Variants in SNX29 observed in about 807,000 individuals in gnomAD.
The protein encoded by SNX29 is sorting nexin-29.
SNX29 carries 78 observed loss-of-function variants against 102.1 expected under a neutral mutation model. The ratio of observed to expected loss-of-function variants is 0.76; its 90% CI spans 0.64 to 0.92. SNX29 has a LOEUF of 0.92. SNX29 is among the 40% of genes least tolerant of loss of function. The pLI is 0.00. For missense variants in SNX29, 1,280 were observed against 1,061.7 expected, an observed-to-expected ratio of 1.21 and a Z score of -2.86; for synonymous variants, 580 against 414.5, an observed-to-expected ratio of 1.40 and a Z score of -4.85.
At chr16:12,065,741 G>A (rs551855025) in intron 9 of SNX29, among the ~76,000 whole-genome samples, 3 of 152,244 alleles carry the variant, frequency 2.0e-5, no homozygotes, top group Admixed American at 1.3e-4. Context: ...TACGGGTTGT[G>A]TGCTGTTTGG....
At chr16:12,533,442 A>G (rs140241972) in intron 20 of SNX29, among the ~76,000 whole-genome samples, 146 of 152,224 alleles carry the variant, frequency 9.6e-4, no homozygotes, top group African/African-American at 3.3e-3. Flanking sequence ...GAGGTGAGAC[A>G]CTAATGTTGC....
chr16:12,236,997 G>A (rs980223040), intron 14 of SNX29, among the ~76,000 whole-genome samples: 2 of 152,188 alleles, frequency 1.3e-5, no homozygotes, highest in Non-Finnish European at 2.9e-5. Context: ...TTGAAGGTTG[G>A]TGCAGGCTTG....
intron 19 of SNX29, among the ~76,000 whole-genome samples, chr16:12,499,196 G>T (rs898250529): frequency 3.3e-5 from 5 of 152,196 alleles, no homozygotes; most frequent in African/African-American, 1.2e-4. Context: ...AAATGTGTTT[G>T]CTCTCTGGGG....
At chr16:12,293,344 A>G (rs1164782818) in intron 15 of SNX29, among the ~76,000 whole-genome samples, 1 of 152,244 alleles carries the variant, frequency 6.6e-6, no homozygotes, top group Non-Finnish European at 1.5e-5. Context: ...CCCGAGTTGC[A>G]TAGTCAGCAA....
Position 12,512,418 on chromosome 16 carries a change from A to G in SNX29, c.2179-12284A>G, listed in dbSNP as rs1479958884. ...TATATATATATATATATATATATAT[A>G]GTTTTCGGTTTTTGAGACAGGGTCT... On this transcript the variant is annotated intron_variant, in intron 19 of 20. Coordinates refer to ENST00000566228, the MANE Select transcript of SNX29 (RefSeq NM_032167.5). Among the ~76,000 whole-genome samples the G allele has an allele frequency of 3.2e-3, 196 of 61,004 alleles. 2 individuals carry two copies. The highest frequency in any genetic ancestry group is 0.014 in the African/African-American group (193 of 13,882). 40.0% of individuals were successfully genotyped at this position (61,004 alleles called of 152,430 possible).
At chr16:12,333,716 G>A (rs1189173405) in intron 15 of SNX29, among the ~76,000 whole-genome samples, 1 of 152,058 alleles carries the variant, frequency 6.6e-6, no homozygotes, top group African/African-American at 2.4e-5. Context: ...TTCCCAAGCA[G>A]GTGAGAAGGT....
intron 16 of SNX29, among the ~76,000 whole-genome samples, chr16:12,394,985 C>A (rs1374287613): frequency 1.3e-5 from 2 of 152,032 alleles, no homozygotes; most frequent in African/African-American, 4.8e-5. Context: ...AGAAGGGTTC[C>A]CTGTTCATCT....
chr16:12,527,900 C>T (rs1430282752), intron 20 of SNX29, among the ~76,000 whole-genome samples: 2 of 150,540 alleles, frequency 1.3e-5, no homozygotes, highest in African/African-American at 2.5e-5. Flanking sequence ...TCTCGGCTCA[C>T]TGTAAGCTCT....
In SNX29 at chr16:12,357,982, G is replaced by A. The variant is rs550168799; in HGVS notation, c.1899+1703G>A. Among the ~76,000 whole-genome samples the A allele has an allele frequency of 5.3e-5, 8 of 152,246 alleles. No homozygotes were observed. In the East Asian group the frequency reaches 1.5e-3, roughly 29 times the overall value. ...GTTTAATTTTGCTGATTATATGACTGTGTCGTTGGGTGGTGTTTTCTGTCA... is the reference window on the plus strand; with the variant it reads ...GTTTAATTTTGCTGATTATATGACTATGTCGTTGGGTGGTGTTTTCTGTCA... On this transcript the variant is annotated intron_variant, in intron 16 of 20. Transcript: ENST00000566228.
At chr16:12,471,545 G>C (rs949988367) in intron 18 of SNX29, among the ~76,000 whole-genome samples, 11 of 152,174 alleles carry the variant, frequency 7.2e-5, no homozygotes, top group Non-Finnish European at 1.3e-4. Flanking sequence ...TCCCGATGCT[G>C]ACGTATGACG....
chr16:12,450,273 G>T (rs2086246745), intron 18 of SNX29, among the ~76,000 whole-genome samples: 1 of 152,226 alleles, frequency 6.6e-6, no homozygotes, highest in Non-Finnish European at 1.5e-5. Flanking sequence ...GAGACACTCA[G>T]TTGTGTGTTG....
At position 12,510,949 on chromosome 16, in the gene SNX29, C is replaced by G. The variant is rs138212067; in HGVS notation, c.2179-13753C>G. On this transcript the variant is annotated intron_variant, in intron 19 of 20. Coordinates refer to ENST00000566228, the MANE Select transcript of SNX29 (RefSeq NM_032167.5). ...CTGTGGGGAGACAGGCTGCCATATC[C>G]AGCCCTTCTTGAGCAAAAGCACTCC... 7.4e-3 allele frequency among the ~76,000 whole-genome samples: 1,128 copies of G among 152,138 alleles called. 7 individuals are homozygous for G. The highest frequency in any genetic ancestry group is 0.013 in the Non-Finnish European group (868 of 68,008).
intron 11 of SNX29, among the ~76,000 whole-genome samples, chr16:12,089,353 A>C (rs1194803510): frequency 2.0e-5 from 3 of 152,136 alleles, no homozygotes; most frequent in East Asian, 1.9e-4. Context: ...AAAAATTAAA[A>C]AAACCCAATA....
chr16:12,049,780 G>A (rs1391080210), intron 7 of SNX29, among the ~76,000 whole-genome samples: 2 of 151,728 alleles, frequency 1.3e-5, no homozygotes, highest in South Asian at 2.1e-4. Context: ...TTTTGTTGTA[G>A]TATGTATGTG....
intron 13 of SNX29, among the ~76,000 whole-genome samples, chr16:12,144,209 G>T (rs1254215822): frequency 7.2e-5 from 11 of 152,320 alleles, no homozygotes; most frequent in Non-Finnish European, 1.5e-5. Flanking sequence ...TAGAAAGGCT[G>T]ATTTTTAGCT....
intron 1 of SNX29, among the ~76,000 whole-genome samples, chr16:11,995,788 A>C (rs1377521054): frequency 6.6e-6 from 1 of 152,100 alleles, no homozygotes; most frequent in African/African-American, 2.4e-5. Context: ...TTGGCAGGGC[A>C]CGGTGGCTCA....
At position 12,172,499 on chromosome 16, in the gene SNX29, C is replaced by T. The variant is rs572902228; in HGVS notation, c.1596-27102C>T. On this transcript the variant is annotated intron_variant, in intron 13 of 20. Transcript: ENST00000566228. ...CTGGCAGAGGGGTCATCTTGGTCAC[C>T]ATCCTTCACCTCTCCTTCACCTCAC... Among the ~76,000 whole-genome samples the T allele has an allele frequency of 1.2e-4, 18 of 152,022 alleles. No homozygotes were observed. In the South Asian group the frequency reaches 3.7e-3, roughly 32 times the overall value.
At chr16:12,128,526 C>T (rs986832486) in intron 12 of SNX29, among the ~76,000 whole-genome samples, 1 of 142,032 alleles carries the variant, frequency 7.0e-6, no homozygotes, top group Non-Finnish European at 1.5e-5. Context: ...GATCTCGGCT[C>T]ACTGCAACCT....
chr16:12,381,368 C>T (rs1302784994), intron 16 of SNX29, among the ~76,000 whole-genome samples: 3 of 86,238 alleles, frequency 3.5e-5, no homozygotes, highest in African/African-American at 7.5e-5. Flanking sequence ...ACCCACCCAC[C>T]GACCCATCAT....
Sources: allele counts gnomAD v4.1 joint callset (sites outside exome capture counted in the v4.1 genomes callset), GRCh38; gene constraint gnomAD v4.1.1; transcripts MANE v1.5; gene names NCBI Gene and HGNC (gene_info 2026-07-23, HGNC 2026-07-21).